The following BMPR1B variants were observed in gnomAD, a reference collection of about 807,000 sequenced individuals.
BMPR1B encodes bone morphogenetic protein receptor type 1B, also known as bone morphogenetic protein receptor type-1B.
BMPR1B carries 12 observed loss-of-function variants against 59.1 expected under a neutral mutation model. That is an observed-to-expected ratio of 0.20 (90% CI 0.13 to 0.33). The LOEUF (loss-of-function observed/expected upper bound fraction) is 0.33, where lower values mean the gene tolerates loss of function less well. Ranked by LOEUF, BMPR1B falls within the 10% of genes least tolerant of loss-of-function variation. The pLI, the probability that BMPR1B is intolerant of heterozygous loss-of-function variation, is 1.00. For missense variants in BMPR1B, 550 were observed against 610.9 expected (o/e 0.90, Z 1.05); for synonymous variants, 237 against 207.3 (o/e 1.14, Z -1.23).
intron 1 of BMPR1B, among the ~76,000 whole-genome samples, chr4:94,767,403 A>G (rs1264177434): frequency 1.3e-5 from 2 of 152,314 alleles, no homozygotes; most frequent in East Asian, 3.9e-4. Context: ...ACATAATGTA[A>G]ACAAACATGC....
intron 10 of BMPR1B, among the ~76,000 whole-genome samples, chr4:95,139,323 C>T (rs1734040401): frequency 6.6e-6 from 1 of 152,186 alleles, no homozygotes; most frequent in Non-Finnish European, 1.5e-5. Flanking sequence ...CAGTCGGCCC[C>T]TACTGGGAGG....
chr4:95,037,233 G>A (rs1361284261), intron 3 of BMPR1B, among the ~76,000 whole-genome samples: 2 of 152,134 alleles, frequency 1.3e-5, no homozygotes, highest in African/African-American at 4.8e-5. Context: ...CTAAGTGGTT[G>A]CAAAGAATGG....
rs1406637855 is a variant in BMPR1B at position 95,154,827 on chromosome 4, C to G, written c.*154C>G. 2 of 1,049,586 alleles carry G rather than the reference C, an allele frequency of 1.9e-6. No homozygotes were observed. The highest frequency in any genetic ancestry group is 5.1e-5 in the East Asian group (2 of 38,844). The allele number at this position is 1,049,586 out of a possible 1,614,324, so 65.0% of individuals were successfully genotyped here. A position where few individuals can be genotyped will look rare whatever the true frequency, so the allele number is the denominator to read the frequency against. ...CAGACCTCACCTCTCAGGGAGCGAC[C>G]TGGGCAAAGACAGAGAAGCTCCCAG... On this transcript the variant is annotated 3_prime_UTR_variant, in exon 13 of 13. Coordinates refer to ENST00000515059, the MANE Select transcript of BMPR1B (RefSeq NM_001203.3).
intron 2 of BMPR1B, among the ~76,000 whole-genome samples, chr4:94,918,416 C>A (rs1040410413): frequency 6.6e-6 from 1 of 152,110 alleles, no homozygotes; most frequent in African/African-American, 2.4e-5. Flanking sequence ...GTGACTCATG[C>A]CTGTAGTCTC....
chr4:94,804,339 A>G (rs1487438022), intron 1 of BMPR1B, among the ~76,000 whole-genome samples: 2 of 152,208 alleles, frequency 1.3e-5, no homozygotes, highest in African/African-American at 2.4e-5. Context: ...CTCTTGGGGA[A>G]TCACAACAAA....
intron 2 of BMPR1B, among the ~76,000 whole-genome samples, chr4:94,957,559 G>A (rs1471959349): frequency 6.6e-6 from 1 of 150,874 alleles, no homozygotes; most frequent in East Asian, 1.9e-4. Flanking sequence ...TGTTTGCACT[G>A]CAACTTTAGG....
chr4:94,825,458 T>C (rs979456589), intron 1 of BMPR1B, among the ~76,000 whole-genome samples: 2 of 152,170 alleles, frequency 1.3e-5, no homozygotes, highest in South Asian at 2.1e-4. Context: ...TGAGCTATTA[T>C]CATGCCACTG....
At chr4:94,827,959 T>C (rs116135067) in intron 1 of BMPR1B, among the ~76,000 whole-genome samples, 2,549 of 152,302 alleles carry the variant, frequency 0.017, 45 homozygotes, top group Admixed American at 0.047. Context: ...AACCAACTCA[T>C]GCTAACACAG....
At chr4:95,051,744 GCT>G in intron 3 of BMPR1B, 1 of 1,535,560 alleles carries the variant, frequency 6.5e-7, no homozygotes, top group Non-Finnish European at 8.7e-7. Flanking sequence ...ACATTTTCTT[GCT>G]CATTCTTCTC....
chr4:95,035,010 T>C lies in BMPR1B; in HGVS notation c.-18+38876T>C, dbSNP rs537750825. 1.6e-4 allele frequency among the ~76,000 whole-genome samples: 24 copies of C among 152,324 alleles called. No homozygotes were observed. In the South Asian group the frequency reaches 1.9e-3, roughly 12 times the overall value. On this transcript the variant is annotated intron_variant, in intron 3 of 12. Coordinates refer to ENST00000515059, the MANE Select transcript of BMPR1B (RefSeq NM_001203.3). Reference sequence around the variant, plus strand: ...AGGTTGTATCTCATTGTGGTTTTAATTTGCATTTCCCTGGTAATTAGTGAT... The same window carrying C: ...AGGTTGTATCTCATTGTGGTTTTAACTTGCATTTCCCTGGTAATTAGTGAT...
At chr4:94,902,086 T>TGTGGGGGG (rs1411154828) in intron 2 of BMPR1B, among the ~76,000 whole-genome samples, 1 of 111,912 alleles carries the variant, frequency 8.9e-6, no homozygotes, top group Non-Finnish European at 1.9e-5. Context: ...TGTGTGTGTG[T>TGTGGGGGG]GGGGTGTATT....
chr4:94,830,051 G>A (rs1382770136), intron 1 of BMPR1B, among the ~76,000 whole-genome samples: 6 of 152,036 alleles, frequency 3.9e-5, no homozygotes, highest in African/African-American at 1.4e-4. Flanking sequence ...TATATGACAT[G>A]GAGTTTTCAT....
At chr4:94,799,301 CTG>C (rs1487372846) in intron 1 of BMPR1B, among the ~76,000 whole-genome samples, 40 of 149,370 alleles carry the variant, frequency 2.7e-4, no homozygotes, top group Non-Finnish European at 1.0e-4. Context: ...CTTTGGGTGA[CTG>C]TTTTTTTTTT....
Position 95,125,045 on chromosome 4 carries a change from T to A in BMPR1B, c.509T>A (p.Ile170Asn), listed in dbSNP as rs1022330839. The change falls in exon 8 of 13, where the codon ATT (isoleucine) becomes AAT (asparagine). Residue 170 changes from isoleucine to asparagine, a missense_variant. By Grantham distance (149) the Ile-to-Asn change is moderately radical. Transcript: ENST00000515059. Reference sequence around the variant, plus strand: ...GGGTTAGAACAGGATGAAACTTACATTCCTCCTGGAGAATCCCTGAGAGAC... The same window carrying A: ...GGGTTAGAACAGGATGAAACTTACAATCCTCCTGGAGAATCCCTGAGAGAC... ...SIGLEQDETY[I>N]PPGESLRDLI... 1 of 1,613,700 alleles carries A rather than the reference T, an allele frequency of 6.2e-7. No individual in the cohort carries two copies. The highest frequency in any genetic ancestry group is 8.5e-7 in the Non-Finnish European group (1 of 1,179,682).
At chr4:94,870,968 A>G (rs1726465013) in intron 1 of BMPR1B, among the ~76,000 whole-genome samples, 1 of 151,452 alleles carries the variant, frequency 6.6e-6, no homozygotes. Context: ...AATTACAGAC[A>G]CTTATCTGTA....
At chr4:94,773,145 A>G (rs763475816) in intron 1 of BMPR1B, among the ~76,000 whole-genome samples, 2 of 152,130 alleles carry the variant, frequency 1.3e-5, no homozygotes, top group Non-Finnish European at 2.9e-5. Context: ...GAAGTCAAGT[A>G]GTATGTTGAA....
chr4:94,959,657 T>C (rs895952500), intron 2 of BMPR1B, among the ~76,000 whole-genome samples: 40 of 152,282 alleles, frequency 2.6e-4, no homozygotes, highest in African/African-American at 8.7e-4. Flanking sequence ...TTACAAAATA[T>C]GTAGTTGGGT....
chr4:95,043,930 G>C (rs535400336), intron 3 of BMPR1B, among the ~76,000 whole-genome samples: 1 of 152,298 alleles, frequency 6.6e-6, no homozygotes, highest in Middle Eastern at 3.4e-3. Flanking sequence ...TTGTTGACTT[G>C]TCTTCAGTTT....
At chr4:95,149,078 A>G (rs942472974) in intron 11 of BMPR1B, among the ~76,000 whole-genome samples, 155 bp downstream of exon 11, 9 of 152,208 alleles carry the variant, frequency 5.9e-5, no homozygotes, top group Admixed American at 5.2e-4. Context: ...CCAGGAAATT[A>G]TATTCGACAT....
Sources: allele counts gnomAD v4.1 joint callset (sites outside exome capture counted in the v4.1 genomes callset), GRCh38; gene constraint gnomAD v4.1.1; transcripts MANE v1.5; gene names NCBI Gene and HGNC (gene_info 2026-07-23, HGNC 2026-07-21).